SULT6B1: variants seen among roughly 807,000 people sequenced by gnomAD.
SULT6B1 encodes the protein sulfotransferase 6B1.
In SULT6B1, 44 loss-of-function variants were observed where a neutral mutation model predicts 37.2. The observed-to-expected ratio is 1.18, with a 90% CI of 0.93 to 1.52. The LOEUF is 1.52. Among genes scored for constraint, SULT6B1 ranks in the 40% most tolerant of loss-of-function variants. The pLI is 0.00. For synonymous variants in SULT6B1, 140 were observed against 126.0 expected (o/e 1.11, Z -0.74); for missense variants, 450 against 361.0 (o/e 1.25, Z -2.00).
At chr2:37,190,258 A>G (rs1183244874), upstream of SULT6B1, among the ~76,000 whole-genome samples, 1 of 152,124 alleles carries the variant, frequency 6.6e-6, no homozygotes, top group East Asian at 1.9e-4. Context: ...TTTCTCTCCC[A>G]TTCTCTTCCC....
At chr2:37,173,610 C>T (rs568260933) in intron 5 of SULT6B1, among the ~76,000 whole-genome samples, 3 of 152,258 alleles carry the variant, frequency 2.0e-5, no homozygotes, top group East Asian at 3.9e-4. Context: ...CCTACTCAAT[C>T]GGTGGCAACT....
chr2:37,187,312 T>C, intron 2 of SULT6B1, 43 bp downstream of exon 2: 1 of 1,282,088 alleles, frequency 7.8e-7, no homozygotes, highest in South Asian at 1.3e-5. Context: ...AAGAAATCTT[T>C]CTATGATAAT....
chr2:37,172,073 G>C lies in SULT6B1; in HGVS notation c.625-483C>G, dbSNP rs571178192. 2.5e-4 allele frequency among the ~76,000 whole-genome samples: 37 copies of C among 150,368 alleles called. No individual in the cohort carries two copies. In the East Asian group the frequency reaches 6.2e-3, roughly 25 times the overall value. On this transcript the variant is annotated intron_variant, in intron 5 of 6. Coordinates refer to ENST00000535679, the MANE Select transcript of SULT6B1 (RefSeq NM_001367551.1). The stretch of plus-strand genomic sequence containing the variant: ...GAATTTTTTTTTTTTTTTTAGACAG[G>C]GTCTTTCTCTGCTGCCCAGACTAGA...
Position 37,187,383 on chromosome 2 carries a change from A to G in SULT6B1, c.284T>C (p.Leu95Pro). ...ATATTTTTCTGAATCCCCACATTCA[A>G]GAACTGGGAATTCTGGATATTTATA... ...KKYKYPEFPV[L>P]ECGDSEKYQR... is the part of the protein sequence containing the mutation. Residue 95 changes from leucine to proline, a missense_variant, in exon 2 of 7, where the codon CTT becomes CCT. Leu to Pro is a moderately conservative substitution (Grantham distance 98). Coordinates refer to ENST00000535679, the MANE Select transcript of SULT6B1 (RefSeq NM_001367551.1). 1 of 1,605,506 alleles carries G rather than the reference A, an allele frequency of 6.2e-7. No individual in the cohort carries two copies. Among genetic ancestry groups the G allele is most frequent in the Non-Finnish European group, 8.5e-7 (1 of 1,173,510 alleles).
chr2:37,183,988 T>C (rs1279046262), intron 2 of SULT6B1, among the ~76,000 whole-genome samples: 2 of 152,234 alleles, frequency 1.3e-5, no homozygotes, highest in Non-Finnish European at 2.9e-5. Flanking sequence ...AGATGAGGAA[T>C]GAAGAATCAT....
chr2:37,184,912 A>G (rs933878257), intron 2 of SULT6B1, among the ~76,000 whole-genome samples: 4 of 152,168 alleles, frequency 2.6e-5, no homozygotes, highest in Admixed American at 2.6e-4. Context: ...AATAAAACGC[A>G]CTTTAAATCA....
At chr2:37,187,235 A>G in intron 2 of SULT6B1, 120 bp downstream of exon 2, 1 of 657,632 alleles carries the variant, frequency 1.5e-6, no homozygotes, top group Non-Finnish European at 2.7e-6. Context: ...TGGTAAGCAC[A>G]CAGTAAATTG....
chr2:37,194,541 T>A, intron 1 of SULT6B1: 1 of 393,980 alleles, frequency 2.5e-6, no homozygotes. Flanking sequence ...TTATTGAGCC[T>A]GGTATCAATG....
Position 37,175,082 on chromosome 2 carries a change from C to G in SULT6B1, c.624+50G>C, listed in dbSNP as rs11569753. 29 of 1,111,764 alleles carry G rather than the reference C, an allele frequency of 2.6e-5. No homozygotes were observed. The East Asian group carries it at 7.1e-4, about 27-fold the overall frequency. The allele number at this position is 1,111,764 out of a possible 1,614,324, so 68.9% of individuals were successfully genotyped here. On this transcript the variant is annotated intron_variant, in intron 5 of 6. Transcript: ENST00000535679. ...ACAGACATTATAAGTAAGTGCTCTA[C>G]GTTGTAGTTTACAATAAATTTTGCT...
intron 3 of SULT6B1, among the ~76,000 whole-genome samples, chr2:37,182,640 T>C (rs1383561240): frequency 6.6e-6 from 1 of 152,040 alleles, no homozygotes; most frequent in African/African-American, 2.4e-5. Context: ...GGAGTTTAAA[T>C]AAATCTTGAT....
upstream of SULT6B1, among the ~76,000 whole-genome samples, chr2:37,193,231 G>A (rs1234184197): frequency 2.0e-5 from 3 of 151,554 alleles, no homozygotes; most frequent in Non-Finnish European, 2.9e-5. Flanking sequence ...TGAGGCAGGC[G>A]GATTGCTTGA....
intron 4 of SULT6B1, among the ~76,000 whole-genome samples, chr2:37,178,537 A>G (rs1049382152): frequency 5.9e-5 from 9 of 152,030 alleles, no homozygotes; most frequent in African/African-American, 2.2e-4. Flanking sequence ...TGCCTGTCTG[A>G]TTTATATTTT....
At chr2:37,177,929 A>G (rs1223453224) in intron 4 of SULT6B1, among the ~76,000 whole-genome samples, 1 of 152,164 alleles carries the variant, frequency 6.6e-6, no homozygotes, top group East Asian at 1.9e-4. Context: ...TTAATATCCC[A>G]TCTATTACAC....
chr2:37,183,303 A>G (rs1220906426), intron 3 of SULT6B1, 122 bp downstream of exon 3: 3 of 763,874 alleles, frequency 3.9e-6, no homozygotes, highest in Non-Finnish European at 6.3e-6. Flanking sequence ...AAACAAAAAA[A>G]CTAAATGTCA....
At position 37,167,875 on chromosome 2, in the gene SULT6B1, A is replaced by G; in HGVS notation, c.*60T>C. On this transcript the variant is annotated 3_prime_UTR_variant, in exon 7 of 7. Coordinates refer to ENST00000535679, the MANE Select transcript of SULT6B1 (RefSeq NM_001367551.1). ...GATTATTTGATTGAATTATCATTTA[A>G]TTATTTACACTTAATTATTATTAAG... 1 of 1,396,648 alleles carries G rather than the reference A, an allele frequency of 7.2e-7. No individual in the cohort carries two copies. Among genetic ancestry groups the G allele is most frequent in the Non-Finnish European group, 9.5e-7 (1 of 1,050,000 alleles). The allele number at this position is 1,396,648 out of a possible 1,614,324, so 86.5% of individuals were successfully genotyped here. A position where few individuals can be genotyped will look rare whatever the true frequency, so the allele number is the denominator to read the frequency against.
intron 2 of SULT6B1, among the ~76,000 whole-genome samples, chr2:37,186,032 C>T (rs1000773780): frequency 1.3e-5 from 2 of 152,192 alleles, no homozygotes; most frequent in Non-Finnish European, 2.9e-5. Context: ...ACACCCTCCT[C>T]TGAGTCCCTT....
chr2:37,179,406 T>C, intron 4 of SULT6B1, 52 bp downstream of exon 4: 1 of 1,604,960 alleles, frequency 6.2e-7, no homozygotes, highest in Non-Finnish European at 8.5e-7. Flanking sequence ...GGTTTTCACA[T>C]TTATGTGGTC....
intron 4 of SULT6B1, among the ~76,000 whole-genome samples, chr2:37,176,923 T>C (rs747388709): frequency 6.6e-6 from 1 of 152,146 alleles, no homozygotes; most frequent in Non-Finnish European, 1.5e-5. Flanking sequence ...GTGTTCCTCC[T>C]TTTTCATGAC....
At chr2:37,170,496 A>AG (rs980382920) in intron 6 of SULT6B1, among the ~76,000 whole-genome samples, 1 of 144,696 alleles carries the variant, frequency 6.9e-6, no homozygotes, top group Admixed American at 6.9e-5. Flanking sequence ...AATAAGAGAG[A>AG]GGAAAAAAAG....
Sources: allele counts gnomAD v4.1 joint callset (sites outside exome capture counted in the v4.1 genomes callset), GRCh38; gene constraint gnomAD v4.1.1; transcripts MANE v1.5; gene names NCBI Gene and HGNC (gene_info 2026-07-23, HGNC 2026-07-21).